The following HIPK2 variants were observed in gnomAD, a reference collection of about 807,000 sequenced individuals.
The protein encoded by HIPK2 is homeodomain-interacting protein kinase 2.
HIPK2 carries 27 observed loss-of-function variants against 113.7 expected under a neutral mutation model. That is an observed-to-expected ratio of 0.24 (90% CI 0.17 to 0.33). The LOEUF (loss-of-function observed/expected upper bound fraction) is 0.33. Ranked by LOEUF, HIPK2 falls within the 10% of genes least tolerant of loss-of-function variation. The pLI is 1.00. For synonymous variants in HIPK2, 631 were observed against 642.2 expected, an observed-to-expected ratio of 0.98 and a Z score of 0.26; for missense variants, 1,257 against 1,588.0, an observed-to-expected ratio of 0.79 and a Z score of 3.54.
intron 2 of HIPK2, among the ~76,000 whole-genome samples, chr7:139,705,744 GCAGAT>G (rs1340931813): frequency 2.6e-5 from 4 of 151,442 alleles, no homozygotes; most frequent in Non-Finnish European, 5.9e-5. Context: ...CTGTAAAGTA[GCAGAT>G]CTGGAATTCA....
At chr7:139,579,737 T>A (rs564792784) in intron 13 of HIPK2, among the ~76,000 whole-genome samples, 2 of 152,140 alleles carry the variant, frequency 1.3e-5, no homozygotes, top group South Asian at 4.2e-4. Context: ...CTGCCCTAAG[T>A]GAAGGGTGAG....
intron 2 of HIPK2, among the ~76,000 whole-genome samples, chr7:139,666,335 C>T (rs559165092): frequency 2.0e-5 from 3 of 152,286 alleles, no homozygotes; most frequent in Admixed American, 1.3e-4. Context: ...CAGGGGCTGC[C>T]GTGGTGTGTC....
intron 2 of HIPK2, among the ~76,000 whole-genome samples, chr7:139,642,958 G>A (rs1406245627): frequency 1.3e-5 from 2 of 152,166 alleles, no homozygotes; most frequent in Non-Finnish European, 2.9e-5. Context: ...TCCAAAAGGA[G>A]AGCTGGGGGG....
intron 5 of HIPK2, 133 bp downstream of exon 5, chr7:139,628,820 T>C: frequency 2.8e-6 from 2 of 711,846 alleles, no homozygotes; most frequent in Non-Finnish European, 4.7e-6. Flanking sequence ...TGGCTGTAAC[T>C]ATTTAAGGTC....
At chr7:139,591,603 A>C (rs1799028005) in intron 12 of HIPK2, among the ~76,000 whole-genome samples, 1 of 152,146 alleles carries the variant, frequency 6.6e-6, no homozygotes, top group South Asian at 2.1e-4. Context: ...CTTCTTCAAA[A>C]TACACCCCTG....
At chr7:139,586,817 G>A (rs1798847435) in intron 12 of HIPK2, among the ~76,000 whole-genome samples, 1 of 151,936 alleles carries the variant, frequency 6.6e-6, no homozygotes. Flanking sequence ...AATATTAAAT[G>A]AAATAAACCA....
intron 2 of HIPK2, among the ~76,000 whole-genome samples, chr7:139,650,464 G>C (rs1234822689): frequency 6.7e-6 from 1 of 150,304 alleles, no homozygotes. Context: ...TATTCCCTTC[G>C]GGTTTTTTTT....
chr7:139,615,928 G>A (rs763977039), intron 7 of HIPK2, among the ~76,000 whole-genome samples: 5 of 149,790 alleles, frequency 3.3e-5, no homozygotes, highest in Admixed American at 1.3e-4. Context: ...GGACACGTGT[G>A]TACATATGTG....
intron 1 of HIPK2, among the ~76,000 whole-genome samples, chr7:139,728,400 C>T (rs1206679258): frequency 6.6e-6 from 1 of 152,206 alleles, no homozygotes; most frequent in Non-Finnish European, 1.5e-5. Flanking sequence ...ACCAAGGTGT[C>T]AGCAGGGCTG....
chr7:139,713,587 T>C (rs1025150066), intron 2 of HIPK2, among the ~76,000 whole-genome samples: 1 of 152,210 alleles, frequency 6.6e-6, no homozygotes, highest in Non-Finnish European at 1.5e-5. Flanking sequence ...ACAGAGTTTG[T>C]CGAAGTCTTT....
chr7:139,718,954 C>A (rs571800912), intron 1 of HIPK2, among the ~76,000 whole-genome samples: 2 of 152,270 alleles, frequency 1.3e-5, no homozygotes, highest in East Asian at 3.9e-4. Context: ...AGGTAAATGA[C>A]TTCCTAATTG....
intron 12 of HIPK2, among the ~76,000 whole-genome samples, chr7:139,590,900 C>T (rs1798996788): frequency 1.3e-5 from 2 of 152,156 alleles, no homozygotes; most frequent in Admixed American, 1.3e-4. Context: ...ACTGCAGTAT[C>T]GTGTTATGAG....
At chr7:139,582,465 G>T (rs553524814) in intron 13 of HIPK2, among the ~76,000 whole-genome samples, 1 of 152,376 alleles carries the variant, frequency 6.6e-6, no homozygotes, top group South Asian at 2.1e-4. Flanking sequence ...TGGCTCTGAT[G>T]TCAAAGCTGC....
chr7:139,776,649 G>A (rs1209073839), intron 1 of HIPK2, among the ~76,000 whole-genome samples: 1 of 152,092 alleles, frequency 6.6e-6, no homozygotes, highest in South Asian at 2.1e-4. Flanking sequence ...TGAAGGCTGC[G>A]ATTTCAATGA....
intron 1 of HIPK2, among the ~76,000 whole-genome samples, chr7:139,745,340 G>A (rs894655744): frequency 6.6e-6 from 1 of 152,182 alleles, no homozygotes; most frequent in Non-Finnish European, 1.5e-5. Flanking sequence ...TAGCAGGAAT[G>A]AGGAGTTCTG....
At chr7:139,678,076 T>A (rs1334738920) in intron 2 of HIPK2, among the ~76,000 whole-genome samples, 1 of 152,252 alleles carries the variant, frequency 6.6e-6, no homozygotes, top group African/African-American at 2.4e-5. Flanking sequence ...TGTTTGTTTT[T>A]TTCTTGTAAA....
chr7:139,573,230 G>T lies in HIPK2; in HGVS notation c.3294C>A (p.Thr1098=). The change falls in exon 15 of 15, where the codon ACC becomes ACA. Residue 1098 remains threonine (T), a synonymous_variant. Coordinates refer to ENST00000406875, the MANE Select transcript of HIPK2 (RefSeq NM_022740.5). ...CAGTGTAGGTGTAGAGGTGGGGCTG[G>T]GTGGGGAGGTGGGCAGCGGCAGCGG... ...AAAAAAAHLP[T]QPHLYTYTAP... 1 of 1,605,274 alleles carries T rather than the reference G, an allele frequency of 6.2e-7. No individual in the cohort carries two copies. The highest frequency in any genetic ancestry group is 8.5e-7 in the Non-Finnish European group (1 of 1,179,592).
chr7:139,666,802 C>G (rs1287383141), intron 2 of HIPK2, among the ~76,000 whole-genome samples: 1 of 152,192 alleles, frequency 6.6e-6, no homozygotes, highest in Admixed American at 6.5e-5. Context: ...GTGGCTCACA[C>G]CTATAATCCT....
At chr7:139,658,489 C>T (rs1485807200) in intron 2 of HIPK2, among the ~76,000 whole-genome samples, 2 of 152,168 alleles carry the variant, frequency 1.3e-5, no homozygotes, top group Admixed American at 1.3e-4. Context: ...GAATTATTTT[C>T]AGGGAAAGTG....
Sources: gnomAD v4.1 joint callset for allele counts (sites outside exome capture counted in the v4.1 genomes callset) on GRCh38, gnomAD v4.1.1 for gene constraint, MANE v1.5 for transcripts, NCBI Gene and HGNC (gene_info 2026-07-23, HGNC 2026-07-21) for gene names.